Variants in STPG2 observed in about 807,000 individuals in gnomAD.
STPG2 encodes the protein sperm-tail PG-rich repeat-containing protein 2.
STPG2 carries 56 observed loss-of-function variants against 54.2 expected under a neutral mutation model. That is an observed-to-expected ratio of 1.03 (90% CI 0.83 to 1.29). STPG2 has a LOEUF of 1.29. Among genes scored for constraint, STPG2 ranks in the 50% most tolerant of loss-of-function variants. The probability of loss-of-function intolerance (pLI) is 0.00; values close to 1 mark genes in which losing one functional copy is unlikely to be tolerated. For synonymous variants in STPG2, 200 were observed against 181.8 expected (o/e 1.10, Z -0.81); for missense variants, 596 against 544.9 (o/e 1.09, Z -0.93).
intron 4 of STPG2, among the ~76,000 whole-genome samples, chr4:97,542,571 A>G (rs543248535): frequency 7.2e-4 from 110 of 152,346 alleles, no homozygotes; most frequent in African/African-American, 2.4e-3. Context: ...GCGATTCCTC[A>G]GGGATCTAGA....
At chr4:98,078,201 G>C (rs1014134962) in intron 5 of STPG2, among the ~76,000 whole-genome samples, 4 of 152,048 alleles carry the variant, frequency 2.6e-5, no homozygotes, top group Admixed American at 2.6e-4. Context: ...AAACTCCTTA[G>C]GCAAATATCT....
At chr4:97,527,458 C>T (rs1223373820) in intron 4 of STPG2, among the ~76,000 whole-genome samples, 3 of 152,136 alleles carry the variant, frequency 2.0e-5, no homozygotes, top group Non-Finnish European at 4.4e-5. Flanking sequence ...CTGAAATAAA[C>T]ATACACGTGC....
chr4:97,579,190 C>G (rs1019264325), intron 10 of STPG2, among the ~76,000 whole-genome samples: 7 of 151,988 alleles, frequency 4.6e-5, no homozygotes, highest in African/African-American at 1.7e-4. Flanking sequence ...TAAATGATAT[C>G]TAAGTGTGTT....
chr4:97,676,864 T>G (rs979101393), intron 10 of STPG2, among the ~76,000 whole-genome samples: 5 of 152,186 alleles, frequency 3.3e-5, no homozygotes, highest in African/African-American at 1.2e-4. Context: ...ATGACCTGTT[T>G]CACTTATAAC....
chr4:97,579,917 G>C (rs757814992), intron 10 of STPG2, among the ~76,000 whole-genome samples: 1 of 151,920 alleles, frequency 6.6e-6, no homozygotes, highest in Non-Finnish European at 1.5e-5. Flanking sequence ...TCAAAATTAA[G>C]TGTTATATAT....
intron 5 of STPG2, among the ~76,000 whole-genome samples, chr4:98,101,850 A>C (rs1739045851): frequency 6.6e-6 from 1 of 150,386 alleles, no homozygotes; most frequent in Non-Finnish European, 1.5e-5. Context: ...GAATCCCCTT[A>C]TGATTTCATT....
At chr4:98,129,044 T>C (rs1483554982) in intron 2 of STPG2, among the ~76,000 whole-genome samples, 1 of 152,178 alleles carries the variant, frequency 6.6e-6, no homozygotes, top group East Asian at 1.9e-4. Flanking sequence ...AAAAATGTTT[T>C]GTAAAAGTAA....
chr4:98,087,546 TTC>T (rs1253409244), intron 5 of STPG2, among the ~76,000 whole-genome samples: 1 of 149,040 alleles, frequency 6.7e-6, no homozygotes, highest in African/African-American at 2.5e-5. Flanking sequence ...AATTCAGTAA[TTC>T]TCTCTTTTTT....
At chr4:97,727,889 T>C (rs746266754) in intron 9 of STPG2, among the ~76,000 whole-genome samples, 3 of 151,980 alleles carry the variant, frequency 2.0e-5, no homozygotes, top group Non-Finnish European at 4.4e-5. Flanking sequence ...AAAGCAGAGA[T>C]AGAATCATTA....
At chr4:98,089,512 T>C (rs553394447) in intron 5 of STPG2, among the ~76,000 whole-genome samples, 79 of 152,218 alleles carry the variant, frequency 5.2e-4, no homozygotes, top group Non-Finnish European at 8.5e-4. Context: ...ACTAAAAACA[T>C]GCATGTGCAT....
chr4:98,137,786 G>A (rs1295499620), intron 1 of STPG2, among the ~76,000 whole-genome samples: 2 of 151,582 alleles, frequency 1.3e-5, no homozygotes, highest in Admixed American at 6.6e-5. Context: ...TATTATTAAT[G>A]GTAGAGTATA....
chr4:97,926,926 T>C (rs1318545749), intron 8 of STPG2, among the ~76,000 whole-genome samples: 1 of 152,034 alleles, frequency 6.6e-6, no homozygotes, highest in Non-Finnish European at 1.5e-5. Flanking sequence ...GGCAACACAG[T>C]GAAATAAATG....
chr4:97,462,907 T>A (rs889701347), intron 4 of STPG2, among the ~76,000 whole-genome samples: 1 of 152,126 alleles, frequency 6.6e-6, no homozygotes, highest in African/African-American at 2.4e-5. Flanking sequence ...GCATTCCTGA[T>A]GACTTCCCAG....
At chr4:97,995,652 T>C (rs894730785) in intron 5 of STPG2, among the ~76,000 whole-genome samples, 1 of 151,918 alleles carries the variant, frequency 6.6e-6, no homozygotes, top group Non-Finnish European at 1.5e-5. Flanking sequence ...AATGAACAGA[T>C]AGAGAATACA....
intron 4 of STPG2, 65 bp from the exon 5 acceptor site, chr4:98,106,129 A>G: frequency 9.0e-7 from 1 of 1,114,810 alleles, no homozygotes; most frequent in Non-Finnish European, 1.2e-6. Flanking sequence ...TTATGTAAGC[A>G]AAGAAATTCT....
intron 9 of STPG2, among the ~76,000 whole-genome samples, chr4:97,794,392 T>G (rs1290099573): frequency 6.6e-6 from 1 of 152,126 alleles, no homozygotes; most frequent in Non-Finnish European, 1.5e-5. Context: ...AGGTAACCAA[T>G]GCTGACTCTA....
intron 4 of STPG2, among the ~76,000 whole-genome samples, chr4:97,442,534 C>T (rs1729115696): frequency 6.6e-6 from 1 of 152,000 alleles, no homozygotes; most frequent in Non-Finnish European, 1.5e-5. Context: ...TGAGGGTCTT[C>T]AGTGGTAATA....
At chr4:97,799,313 G>C (rs1267800313) in intron 9 of STPG2, among the ~76,000 whole-genome samples, 11 of 152,194 alleles carry the variant, frequency 7.2e-5, no homozygotes, top group Non-Finnish European at 1.5e-4. Context: ...TTTTGCAGTG[G>C]CTGGTACAAG....
At chr4:97,563,056 T>C (rs1262843135) in intron 10 of STPG2, among the ~76,000 whole-genome samples, 5 of 152,164 alleles carry the variant, frequency 3.3e-5, no homozygotes, top group Non-Finnish European at 7.4e-5. Context: ...AATTCGGCTG[T>C]GAATCCATCT....
Sources: allele counts gnomAD v4.1 joint callset (sites outside exome capture counted in the v4.1 genomes callset), GRCh38; gene constraint gnomAD v4.1.1; transcripts MANE v1.5; gene names NCBI Gene and HGNC (gene_info 2026-07-23, HGNC 2026-07-21).